SLC24A1: variants seen among roughly 807,000 people sequenced by gnomAD.
SLC24A1 encodes solute carrier family 24 member 1.
In SLC24A1, 52 loss-of-function variants were observed where a neutral mutation model predicts 88.1. The ratio of observed to expected loss-of-function variants is 0.59; its 90% CI spans 0.47 to 0.74. The LOEUF (loss-of-function observed/expected upper bound fraction) is 0.74. SLC24A1 is among the 30% of genes least tolerant of loss of function. SLC24A1 has a pLI of 0.00. For missense variants in SLC24A1, 1,173 were observed against 1,363.3 expected (o/e 0.86, Z 2.20); for synonymous variants, 455 against 498.0 (o/e 0.91, Z 1.15).
chr15:65,652,938 C>A, intron 9 of SLC24A1, 130 bp downstream of exon 9: 1 of 691,690 alleles, frequency 1.4e-6, no homozygotes, highest in Admixed American at 3.0e-5. Context: ...TTAGTTTCTG[C>A]AAAGCAACAA....
chr15:65,637,637 A>G (rs1049635219), intron 2 of SLC24A1, among the ~76,000 whole-genome samples: 2 of 152,210 alleles, frequency 1.3e-5, no homozygotes, highest in African/African-American at 4.8e-5. Flanking sequence ...GTGGTGAATA[A>G]AACAGTCTAC....
chr15:65,654,478 A>C lies in SLC24A1; in HGVS notation c.*399A>C. 1 of 1,167,792 alleles carries C rather than the reference A, an allele frequency of 8.6e-7. No individual in the cohort carries two copies. Among genetic ancestry groups the C allele is most frequent in the Non-Finnish European group, 1.1e-6 (1 of 936,890 alleles). 72.3% of individuals were successfully genotyped at this position (1,167,792 alleles called of 1,614,324 possible). On this transcript the variant is annotated 3_prime_UTR_variant, in exon 10 of 10. Transcript: ENST00000261892. ...AAGGCTGCTGGCCCAAAAGATGCAG[A>C]TGTGGTCTACATCTCAGCCTTCCTG...
chr15:65,646,705 G>A (rs1030057599), intron 6 of SLC24A1, among the ~76,000 whole-genome samples: 6 of 152,172 alleles, frequency 3.9e-5, no homozygotes, highest in African/African-American at 9.6e-5. Context: ...CTGGTGCACA[G>A]CTGGCTCAAT....
chr15:65,634,740 C>CAAAAAAAAAAA (rs5813364), intron 2 of SLC24A1, among the ~76,000 whole-genome samples: 84 of 90,342 alleles, frequency 9.3e-4, no homozygotes, highest in Middle Eastern at 6.4e-3. Context: ...TCAAAAGCAC[C>CAAAAAAAAAAA]AAAAAAAAAA....
At position 65,650,924 on chromosome 15, in the gene SLC24A1, C is replaced by T; in HGVS notation, c.2775C>T (p.Val925=). The T allele has an allele frequency of 6.2e-7, 1 of 1,613,846 alleles. No individual in the cohort carries two copies. Among genetic ancestry groups the T allele is most frequent in the Non-Finnish European group, 8.5e-7 (1 of 1,179,802 alleles). ...TCGTGTTCCCACTGTGGCTGACAGT[C>T]CCCGACGTCCGAAGGCAGGTGAGTG... ...LPIVFPLWLT[V]PDVRRQESRK... The change falls in exon 7 of 10, where the codon GTC becomes GTT. Residue 925 remains valine (V), a synonymous_variant. Coordinates refer to ENST00000261892, the MANE Select transcript of SLC24A1 (RefSeq NM_004727.3). This position sits in a 1 kb window ranked among gnomAD's most constrained non-coding sequence, Gnocchi z 4.1.
chr15:65,660,396 C>G (rs751127651), downstream of SLC24A1: 4 of 1,156,022 alleles, frequency 3.5e-6, no homozygotes, highest in South Asian at 5.3e-5. Flanking sequence ...TACCTCCAGT[C>G]CAAGTGTCGT....
intron 2 of SLC24A1, among the ~76,000 whole-genome samples, chr15:65,630,553 C>T (rs1347303671): frequency 4.6e-5 from 7 of 152,234 alleles, no homozygotes; most frequent in African/African-American, 1.7e-4. Flanking sequence ...AAAGGGCCCA[C>T]TGTAGCCTGG....
chr15:65,626,901 G>A (rs1176407485), intron 2 of SLC24A1, among the ~76,000 whole-genome samples: 6 of 152,060 alleles, frequency 3.9e-5, no homozygotes, highest in African/African-American at 1.2e-4. Context: ...TAGGGAACAC[G>A]GACCCCACTT....
chr15:65,613,588 T>TC (rs1243320681), intron 2 of SLC24A1, among the ~76,000 whole-genome samples: 1 of 151,288 alleles, frequency 6.6e-6, no homozygotes, highest in Non-Finnish European at 1.5e-5. Flanking sequence ...ATTTAAGCAA[T>TC]CCCCCCCAAC....
chr15:65,624,605 G>C lies in SLC24A1; in HGVS notation c.525G>C (p.Lys175Asn), dbSNP rs2074436719. ...CCCCAACACCCAGGGGAGAAATGAA[G>C]AGCTACAGCCCAACTCAAGTGAGGG... ...KYTPTPRGEM[K>N]SYSPTQVREK... is the part of the protein sequence containing the mutation. Residue 175 changes from lysine (K) to asparagine (N), a missense_variant, in exon 2 of 10, where the codon AAG becomes AAC. By Grantham distance (94) the Lys-to-Asn change is moderately conservative. Transcript: ENST00000261892. The C allele has an allele frequency of 6.3e-7, 1 of 1,594,220 alleles. No individual in the cohort carries two copies. Among genetic ancestry groups the C allele is most frequent in the Admixed American group, 1.8e-5 (1 of 56,286 alleles).
Position 65,650,800 on chromosome 15 carries a change from A to G in SLC24A1, c.2651A>G (p.Glu884Gly). 1 of 1,613,442 alleles carries G rather than the reference A, an allele frequency of 6.2e-7. No homozygotes were observed. Among genetic ancestry groups the G allele is most frequent in the Non-Finnish European group, 8.5e-7 (1 of 1,179,696 alleles). ...GAAGAGCAGGAGGAAGAGGAGGAGG[A>G]GGAGGAGGAAGAGGAGGAGAAGGGA... The part of the protein sequence containing the change: ...EEEEQEEEEE[E>G]EEEEEEKGNE... The change falls in exon 7 of 10, where the codon GAG (glutamate) becomes GGG (glycine). Residue 884 changes from glutamate (E) to glycine (G), a missense_variant. Transcript: ENST00000261892. The surrounding 1 kb of genome is among the most constrained non-coding windows in gnomAD (Gnocchi z 4.1).
chr15:65,639,584 C>T lies in SLC24A1; in HGVS notation c.1945-11C>T. 6.4e-7 allele frequency: 1 copy of T among 1,569,082 alleles called. No individual in the cohort carries two copies. Among genetic ancestry groups the T allele is most frequent in the Non-Finnish European group, 8.7e-7 (1 of 1,151,462 alleles). ...GACAGGGGCCCACTGTGCGGCTCTC[C>T]TCTTGCTCAGCTCCCGTCCTTGCTG... is the stretch of plus-strand genomic sequence containing the variant. On this transcript the variant is annotated splice_polypyrimidine_tract_variant and intron_variant, in intron 3 of 9. Coordinates refer to ENST00000261892, the MANE Select transcript of SLC24A1 (RefSeq NM_004727.3).
chr15:65,660,309 T>C (rs762725063), downstream of SLC24A1: 63 of 1,535,046 alleles, frequency 4.1e-5, no homozygotes, highest in Non-Finnish European at 5.1e-5. Flanking sequence ...TTCAGCATGG[T>C]GCTATTCACT....
rs1249473100 is a variant in SLC24A1, at chr15:65,652,783, A to T, written c.3025A>T (p.Ser1009Cys). The T allele has an allele frequency of 6.2e-7, 1 of 1,609,960 alleles. No individual in the cohort carries two copies. The highest frequency in any genetic ancestry group is 1.3e-5 in the African/African-American group (1 of 74,864). ...GDMAVSSSVG[S>C]NIFDITVGLP... Reference sequence around the variant, plus strand: ...CATGGCTGTGTCAAGCTCTGTGGGCAGTAACATATTTGATATCACTGTGGG... The same window carrying T: ...CATGGCTGTGTCAAGCTCTGTGGGCTGTAACATATTTGATATCACTGTGGG... Residue 1009 changes from serine to cysteine, a missense_variant, in exon 9 of 10, where the codon AGT (serine) becomes TGT (cysteine). By Grantham distance (112) the Ser-to-Cys change is moderately radical (BLOSUM62 -1). Transcript: ENST00000261892.
At chr15:65,617,412 G>A (rs2074182270), upstream of SLC24A1, among the ~76,000 whole-genome samples, 2 of 152,222 alleles carry the variant, frequency 1.3e-5, no homozygotes, top group South Asian at 2.1e-4. Context: ...GTTGAGCAGT[G>A]GTTTGTAGTT....
chr15:65,619,134 C>T (rs905879558), upstream of SLC24A1, among the ~76,000 whole-genome samples: 12 of 152,190 alleles, frequency 7.9e-5, no homozygotes, highest in African/African-American at 2.4e-4. Context: ...AGGTCTTAGG[C>T]CGTGACATTG....
At chr15:65,622,914 G>A (rs1019861030) in intron 1 of SLC24A1, among the ~76,000 whole-genome samples, 2 of 151,830 alleles carry the variant, frequency 1.3e-5, no homozygotes, top group Non-Finnish European at 2.9e-5. Context: ...GCTAACTTTT[G>A]TATTTTTAGT....
chr15:65,635,276 T>C (rs1411853847), intron 2 of SLC24A1, among the ~76,000 whole-genome samples: 3 of 150,234 alleles, frequency 2.0e-5, no homozygotes, highest in African/African-American at 7.3e-5. Context: ...GGTCAGGAGA[T>C]CAAGATCATC....
chr15:65,633,418 G>C lies in SLC24A1; in HGVS notation c.1891-4710G>C, dbSNP rs183354882. On this transcript the variant is annotated intron_variant, in intron 2 of 9. Transcript: ENST00000261892. ...CTCATGCCTGTAATTCCAGCACTTT[G>C]GGAGGCTGAGGTGGGTGGATCATCT... is the stretch of plus-strand genomic sequence containing the variant. 2.6e-5 allele frequency among the ~76,000 whole-genome samples: 4 copies of C among 152,312 alleles called. No homozygotes were observed. In the East Asian group the frequency reaches 7.7e-4, roughly 29 times the overall value.
Sources: allele counts gnomAD v4.1 joint callset (sites outside exome capture counted in the v4.1 genomes callset), GRCh38; gene constraint gnomAD v4.1.1; non-coding constraint Gnocchi (gnomAD v3.1); transcripts MANE v1.5; gene names NCBI Gene and HGNC (gene_info 2026-07-23, HGNC 2026-07-21).